The following PGGT1B variants were observed in gnomAD, a reference collection of about 807,000 sequenced individuals.
PGGT1B encodes the protein geranylgeranyl transferase type-1 subunit beta.
In PGGT1B, 30 loss-of-function variants were observed where a neutral mutation model predicts 46.1. The observed-to-expected ratio is 0.65, with a 90% CI of 0.49 to 0.88. The LOEUF (loss-of-function observed/expected upper bound fraction) is 0.88, where lower values mean the gene tolerates loss of function less well. Ranked by LOEUF, PGGT1B falls within the 40% of genes least tolerant of loss-of-function variation. The pLI is 0.00. For synonymous variants in PGGT1B, 170 were observed against 160.0 expected, an observed-to-expected ratio of 1.06 and a Z score of -0.47; for missense variants, 376 against 455.9, an observed-to-expected ratio of 0.82 and a Z score of 1.60.
chr5:115,213,907 G>A (rs1362502291), intron 8 of PGGT1B, among the ~76,000 whole-genome samples: 1 of 152,160 alleles, frequency 6.6e-6, no homozygotes, highest in African/African-American at 2.4e-5. Context: ...CTTACTCAAT[G>A]CCATTGTGAA....
intron 3 of PGGT1B, among the ~76,000 whole-genome samples, chr5:115,239,600 T>C (rs138760864): frequency 9.2e-4 from 140 of 152,324 alleles, no homozygotes; most frequent in Non-Finnish European, 1.5e-3. Flanking sequence ...GAGCAGAAGA[T>C]AAGTCTACTC....
chr5:115,228,979 CTT>C (rs1366326374), intron 6 of PGGT1B, among the ~76,000 whole-genome samples: 1 of 152,026 alleles, frequency 6.6e-6, no homozygotes, highest in Non-Finnish European at 1.5e-5. Context: ...ATTTGGAACA[CTT>C]TTCCAAAGAC....
intron 3 of PGGT1B, among the ~76,000 whole-genome samples, chr5:115,239,659 A>G (rs1053062879): frequency 2.6e-5 from 4 of 152,242 alleles, no homozygotes; most frequent in African/African-American, 9.6e-5. Context: ...AGGGATAATA[A>G]TAACATGGGT....
rs1329276205 is a variant in PGGT1B at position 115,206,377 on chromosome 5, G to A, written c.*6025C>T. On this transcript the variant is annotated 3_prime_UTR_variant, in exon 9 of 9. Coordinates refer to ENST00000419445, the MANE Select transcript of PGGT1B (RefSeq NM_005023.4). ...TGACCATTTTAAAAAAAGGTTCAAA[G>A]TGAAATAAGCTATATATTTTTTAAA... 1 of 151,862 alleles carries A rather than the reference G, an allele frequency of 6.6e-6. No homozygotes were observed. The highest frequency in any genetic ancestry group is 1.5e-5 in the Non-Finnish European group (1 of 67,854). The allele number at this position is 151,862 out of a possible 1,614,324, so 9.4% of individuals were successfully genotyped here.
At chr5:115,250,566 A>C (rs1052084154) in intron 2 of PGGT1B, among the ~76,000 whole-genome samples, 2 of 152,230 alleles carry the variant, frequency 1.3e-5, no homozygotes. Flanking sequence ...AGTGAAGTCC[A>C]TGGAGTTGAC....
At chr5:115,252,360 C>T (rs2127028510) in intron 2 of PGGT1B, among the ~76,000 whole-genome samples, 1 of 151,348 alleles carries the variant, frequency 6.6e-6, no homozygotes, top group East Asian at 1.9e-4. Flanking sequence ...GAAAACCTTT[C>T]TTTCTAAGTA....
chr5:115,249,606 G>A (rs1292693073), intron 2 of PGGT1B, among the ~76,000 whole-genome samples: 2 of 152,000 alleles, frequency 1.3e-5, no homozygotes, highest in East Asian at 1.9e-4. Flanking sequence ...GGAGGAGCAG[G>A]TAATTGGAAT....
intron 7 of PGGT1B, among the ~76,000 whole-genome samples, chr5:115,221,559 T>C (rs1756590338): frequency 6.6e-6 from 1 of 152,006 alleles, no homozygotes; most frequent in Non-Finnish European, 1.5e-5. Flanking sequence ...AAGTATTTAA[T>C]ATGTTCTATG....
At chr5:115,250,206 T>G (rs565328295) in intron 2 of PGGT1B, among the ~76,000 whole-genome samples, 1 of 152,310 alleles carries the variant, frequency 6.6e-6, no homozygotes, top group African/African-American at 2.4e-5. Context: ...ATTCCCTAGA[T>G]TTTATGTGGT....
At chr5:115,213,071 T>C (rs1756287604) in intron 8 of PGGT1B, among the ~76,000 whole-genome samples, 1 of 152,260 alleles carries the variant, frequency 6.6e-6, no homozygotes, top group Admixed American at 6.5e-5. Context: ...TATGCAGTAC[T>C]ATCCTAACAT....
At chr5:115,247,892 G>A (rs1747921996) in intron 2 of PGGT1B, among the ~76,000 whole-genome samples, 1 of 152,150 alleles carries the variant, frequency 6.6e-6, no homozygotes. Context: ...ATCTGACCTG[G>A]GAATGCTGGA....
At chr5:115,258,898 G>A (rs1037930020) in intron 1 of PGGT1B, among the ~76,000 whole-genome samples, 8 of 152,178 alleles carry the variant, frequency 5.3e-5, no homozygotes, top group African/African-American at 1.7e-4. Context: ...TTAACAGGCT[G>A]CTTCATGCAA....
In PGGT1B at chr5:115,237,882, C is replaced by T; in HGVS notation, c.455G>A (p.Arg152Lys). ...VNKEACLAGLRALQLEDGSFC... is the reference protein window; with the variant it reads ...VNKEACLAGLKALQLEDGSFC... ...CCTCCCATCTTCCAGCTGAAGGGCT[C>T]TCAAGCCCGCTAAGCAAGCTTCTTT... The change falls in exon 4 of 9, where the codon AGA (arginine) becomes AAA (lysine). Residue 152 changes from arginine to lysine, a missense_variant. Physicochemically the swap from Arg to Lys is conservative, Grantham distance 26. This residue lies in a region of PGGT1B where 222 missense variants were observed against 313.6 expected (regional missense o/e 0.71). Coordinates refer to ENST00000419445, the MANE Select transcript of PGGT1B (RefSeq NM_005023.4). 6.2e-7 allele frequency: 1 copy of T among 1,609,630 alleles called. No individual in the cohort carries two copies. Among genetic ancestry groups the T allele is most frequent in the Non-Finnish European group, 8.5e-7 (1 of 1,179,234 alleles).
At chr5:115,234,142 G>A (rs1225192145) in intron 5 of PGGT1B, among the ~76,000 whole-genome samples, 11 of 143,068 alleles carry the variant, frequency 7.7e-5, no homozygotes, top group African/African-American at 2.4e-4. Flanking sequence ...AACTGATAAG[G>A]AGTAATTTTC....
In PGGT1B at chr5:115,228,524, G is replaced by A. The variant is rs1194462883; in HGVS notation, c.658+2452C>T. On this transcript the variant is annotated intron_variant, in intron 6 of 8. Coordinates refer to ENST00000419445, the MANE Select transcript of PGGT1B (RefSeq NM_005023.4). ...ATTATAAATACTGCATGTGTATCTG[G>A]GTGGTTTGCAATTTTAAATCACGAG... 9.2e-5 allele frequency among the ~76,000 whole-genome samples: 14 copies of A among 151,864 alleles called. No homozygotes were observed. In the East Asian group the frequency reaches 2.5e-3, roughly 27 times the overall value.
intron 2 of PGGT1B, among the ~76,000 whole-genome samples, chr5:115,244,993 T>C (rs1460666779): frequency 6.6e-6 from 1 of 152,228 alleles, no homozygotes; most frequent in African/African-American, 2.4e-5. Flanking sequence ...TAAATCTTTT[T>C]TTTTCTCTTT....
chr5:115,259,873 C>T (rs778214402), intron 1 of PGGT1B, among the ~76,000 whole-genome samples: 2 of 152,000 alleles, frequency 1.3e-5, no homozygotes, highest in South Asian at 2.1e-4. Context: ...AACCCTTCTT[C>T]TAGAAGAGGT....
At position 115,219,275 on chromosome 5, in the gene PGGT1B, G is replaced by C. The variant is rs1003714165; in HGVS notation, c.844-2302C>G. On this transcript the variant is annotated intron_variant, in intron 7 of 8. Transcript: ENST00000419445. ...CATATAAAACAACAGAATAAAATAA[G>C]ACGTCCAGAAACAAACCTCACATAT... is the stretch of plus-strand genomic sequence containing the variant. Among the ~76,000 whole-genome samples the C allele has an allele frequency of 2.0e-5, 3 of 151,774 alleles. No homozygotes were observed. In the South Asian group the frequency reaches 6.2e-4, roughly 31 times the overall value.
intron 7 of PGGT1B, among the ~76,000 whole-genome samples, chr5:115,218,491 CAAA>C (rs11345719): frequency 6.2e-5 from 7 of 112,822 alleles, no homozygotes; most frequent in South Asian, 2.9e-4. Flanking sequence ...CAATGATTCT[CAAA>C]AAAAAAAAAA....
Sources: gnomAD v4.1 joint callset for allele counts (sites outside exome capture counted in the v4.1 genomes callset) on GRCh38, gnomAD v4.1.1 for gene constraint, gnomAD v4.1.1 regional missense constraint, MANE v1.5 for transcripts, NCBI Gene and HGNC (gene_info 2026-07-23, HGNC 2026-07-21) for gene names.